Variants in RFESD observed in about 807,000 individuals in gnomAD.
RFESD encodes the protein Rieske Fe-S domain containing.
Under a neutral mutation model 24.4 loss-of-function variants are expected in RFESD, and 16 were observed. The observed-to-expected ratio is 0.66, with a 90% CI of 0.44 to 1.00. The LOEUF (loss-of-function observed/expected upper bound fraction) is 1.00, where lower values mean the gene tolerates loss of function less well. Ranked by LOEUF, RFESD falls within the 50% of genes least tolerant of loss-of-function variation. The pLI is 0.00. For synonymous variants in RFESD, 59 were observed against 81.8 expected (o/e 0.72, Z 1.50); for missense variants, 208 against 247.0 (o/e 0.84, Z 1.06).
At chr5:95,655,211 T>G (rs1477044952) in intron 5 of RFESD, 1 of 152,256 alleles carries the variant, frequency 6.6e-6, no homozygotes, top group Non-Finnish European at 1.5e-5. Flanking sequence ...GAATCTTTGC[T>G]GACAGTTTTA....
Position 95,652,192 on chromosome 5 carries a change from T to C in RFESD, c.-80T>C. 6.8e-7 allele frequency: 1 copy of C among 1,475,152 alleles called. No homozygotes were observed. The highest frequency in any genetic ancestry group is 9.1e-7 in the Non-Finnish European group (1 of 1,099,858). 91.4% of individuals were successfully genotyped at this position (1,475,152 alleles called of 1,614,324 possible). ...ATAAGACAGAGAAGAAAGCTGTGAA[T>C]GAATTTCATTTGATTAGCAATAGAT... On this transcript the variant is annotated 5_prime_UTR_variant, in exon 2 of 6. An upstream start codon of the reference 5' UTR is lost. Transcript: ENST00000380005.
chr5:95,653,385 T>G (rs749454659), intron 3 of RFESD, among the ~76,000 whole-genome samples, 171 bp downstream of exon 3: 5 of 152,240 alleles, frequency 3.3e-5, no homozygotes, highest in Non-Finnish European at 7.3e-5. Flanking sequence ...AGCAGAAGGC[T>G]GAAAACAATG....
rs937711034 is a variant in RFESD, at chr5:95,656,444, T to C, written c.*135T>C. On this transcript the variant is annotated 3_prime_UTR_variant, in exon 6 of 6. Transcript: ENST00000380005. ...TAAAATTCACATACATTTGAGAGGT[T>C]TAAGAGCACACATACTTAGTATGAT... The C allele has an allele frequency of 1.7e-5, 11 of 645,774 alleles. No homozygotes were observed. The highest frequency in any genetic ancestry group is 2.9e-5 in the Non-Finnish European group (11 of 377,608). 40.0% of individuals were successfully genotyped at this position (645,774 alleles called of 1,614,324 possible).
chr5:95,654,978 CG>C (rs1750650867), intron 5 of RFESD, among the ~76,000 whole-genome samples: 1 of 151,948 alleles, frequency 6.6e-6, no homozygotes, highest in Admixed American at 6.6e-5. Context: ...TGAGGAGGAA[CG>C]GGGGAAGTTG....
At position 95,646,787 on chromosome 5, in the gene RFESD, C is replaced by T. The variant is rs1466607567; in HGVS notation, c.-166C>T. On this transcript the variant is annotated 5_prime_UTR_variant, in exon 1 of 6. Coordinates refer to ENST00000380005, the MANE Select transcript of RFESD (RefSeq NM_001131066.2). Reference sequence around the variant, plus strand: ...GGAGCTCTGGCTCGTGCAGTAGCGTCACGCGGAGGCGGAGCGAGGACTCGG... The same window carrying T: ...GGAGCTCTGGCTCGTGCAGTAGCGTTACGCGGAGGCGGAGCGAGGACTCGG... 1 of 152,250 alleles carries T rather than the reference C, an allele frequency of 6.6e-6. No individual in the cohort carries two copies. The highest frequency in any genetic ancestry group is 1.5e-5 in the Non-Finnish European group (1 of 68,072). The allele number at this position is 152,250 out of a possible 1,614,324, so 9.4% of individuals were successfully genotyped here. A position where few individuals can be genotyped will look rare whatever the true frequency, so the allele number is the denominator to read the frequency against.
At chr5:95,650,297 A>G (rs1003967198) in intron 1 of RFESD, among the ~76,000 whole-genome samples, 1 of 152,228 alleles carries the variant, frequency 6.6e-6, no homozygotes, top group Admixed American at 6.5e-5. Context: ...ATAATTTTCT[A>G]AGTTTGATGT....
chr5:95,654,928 A>C (rs1750645424), intron 5 of RFESD, among the ~76,000 whole-genome samples: 2 of 152,082 alleles, frequency 1.3e-5, no homozygotes, highest in Admixed American at 6.6e-5. Context: ...ATACAGTATA[A>C]ATATATTTTT....
chr5:95,648,517 TAGTA>T (rs1240866052), intron 1 of RFESD, among the ~76,000 whole-genome samples: 10 of 152,306 alleles, frequency 6.6e-5, no homozygotes, highest in Admixed American at 3.3e-4. Flanking sequence ...ATATTCACAA[TAGTA>T]AGAATAATAT....
Position 95,652,310 on chromosome 5 carries a change from C to G in RFESD, c.39C>G (p.Ser13=). 1 of 1,550,370 alleles carries G rather than the reference C, an allele frequency of 6.5e-7. No individual in the cohort carries two copies. The highest frequency in any genetic ancestry group is 8.7e-7 in the Non-Finnish European group (1 of 1,146,270). Residue 13 remains serine (S), a synonymous_variant, in exon 2 of 6, where the codon TCC becomes TCG. Coordinates refer to ENST00000380005, the MANE Select transcript of RFESD (RefSeq NM_001131066.2). ...TCAGGAATTGTCTTAGACCTTCTTC[C>G]TTATCTACACTTCCTCTCCAAGTGA... is the stretch of plus-strand genomic sequence containing the variant. ...KCFRNCLRPS[S]LSTLPLQYGI...
In RFESD at chr5:95,657,832, C is replaced by G. The variant is rs1750854193; in HGVS notation, c.*1523C>G. 6.6e-6 allele frequency: 1 copy of G among 152,130 alleles called. No homozygotes were observed. The highest frequency in any genetic ancestry group is 2.1e-4 in the South Asian group (1 of 4,832). The allele number at this position is 152,130 out of a possible 1,614,324, so 9.4% of individuals were successfully genotyped here. A position where few individuals can be genotyped will look rare whatever the true frequency, so the allele number is the denominator to read the frequency against. On this transcript the variant is annotated 3_prime_UTR_variant, in exon 6 of 6. Coordinates refer to ENST00000380005, the MANE Select transcript of RFESD (RefSeq NM_001131066.2). ...TGTACTATCTCTCAGGAAGGTACATCCCAGTCTATTCTATCATGTGATAAT... is the reference window on the plus strand; with the variant it reads ...TGTACTATCTCTCAGGAAGGTACATGCCAGTCTATTCTATCATGTGATAAT...
intron 1 of RFESD, 198 bp downstream of exon 1, chr5:95,647,015 C>T (rs1371257623): frequency 6.6e-6 from 1 of 152,346 alleles, no homozygotes; most frequent in African/African-American, 2.4e-5. Flanking sequence ...ACTCACCGAG[C>T]TTGTTCACCT....
At chr5:95,654,484 A>T (rs1750602317) in intron 5 of RFESD, 117 bp downstream of exon 5, 1 of 712,716 alleles carries the variant, frequency 1.4e-6, no homozygotes, top group Admixed American at 2.9e-5. Flanking sequence ...GTATTCTGGG[A>T]ATTCATAAGA....
intron 3 of RFESD, 146 bp downstream of exon 3, chr5:95,653,360 A>G (rs746823908): frequency 8.5e-7 from 1 of 1,171,404 alleles, no homozygotes; most frequent in Non-Finnish European, 1.2e-6. Flanking sequence ...CAGACAATCA[A>G]AGAATCCTGC....
chr5:95,654,889 A>G (rs1750640231), intron 5 of RFESD, among the ~76,000 whole-genome samples: 1 of 152,056 alleles, frequency 6.6e-6, no homozygotes, highest in East Asian at 1.9e-4. Context: ...TAAAATGAGT[A>G]TATATTATTT....
intron 2 of RFESD, 149 bp downstream of exon 2, chr5:95,652,480 A>G (rs1425974463): frequency 1.0e-6 from 1 of 964,700 alleles, no homozygotes; most frequent in Non-Finnish European, 1.4e-6. Flanking sequence ...TAAAATATAT[A>G]TAGCTCTTGA....
At position 95,656,060 on chromosome 5, in the gene RFESD, A is replaced by G. The variant is rs1424224814; in HGVS notation, c.384A>G (p.Arg128=). 2.5e-6 allele frequency: 4 copies of G among 1,613,360 alleles called. No homozygotes were observed. The South Asian group carries it at 3.3e-5, about 13-fold the overall frequency. The change falls in exon 6 of 6, where the codon CGA becomes CGG. Residue 128 remains arginine (R), a synonymous_variant. Transcript: ENST00000380005. ...CTCTTCCCCAGGATTTTGATGGACG[A>G]CCGTGTATAGTTTGCCCCTGGCATA... is the stretch of plus-strand genomic sequence containing the variant. The part of the protein sequence containing the change: ...HLGDIEDFDG[R]PCIVCPWHKY...
rs567856541 is a variant in RFESD at position 95,653,480 on chromosome 5, G to A, written c.158+266G>A. Among the ~76,000 whole-genome samples the A allele has an allele frequency of 7.9e-5, 12 of 152,362 alleles. No individual in the cohort carries two copies. The East Asian group carries it at 2.3e-3, about 29-fold the overall frequency. ...TAAATCTCTATGTTTTACAAGTTCT[G>A]AAATTTCCTTCTTGACCTTGAAATG... is the stretch of plus-strand genomic sequence containing the variant. On this transcript the variant is annotated intron_variant, in intron 3 of 5. Transcript: ENST00000380005.
chr5:95,654,795 A>G (rs1750629428), intron 5 of RFESD, among the ~76,000 whole-genome samples: 1 of 152,178 alleles, frequency 6.6e-6, no homozygotes, highest in African/African-American at 2.4e-5. Flanking sequence ...ACGTCATAGG[A>G]TGATAATAGT....
chr5:95,647,697 ATATATCACCAATAT>A (rs1750161715), intron 1 of RFESD: 1 of 151,932 alleles, frequency 6.6e-6, no homozygotes, highest in East Asian at 1.9e-4. Flanking sequence ...TCAATACTAT[ATATATCACCAATAT>A]ACATATTTGC....
Sources: allele counts gnomAD v4.1 joint callset (sites outside exome capture counted in the v4.1 genomes callset), GRCh38; gene constraint gnomAD v4.1.1; transcripts MANE v1.5; gene names NCBI Gene and HGNC (gene_info 2026-07-23, HGNC 2026-07-21).